The following MED14 variants were observed in gnomAD, a reference collection of about 807,000 sequenced individuals.
MED14 encodes mediator complex subunit 14.
In MED14, 8 loss-of-function variants were observed where a neutral mutation model predicts 109.0. That is an observed-to-expected ratio of 0.07 (90% confidence interval 0.04 to 0.13). The LOEUF is 0.13. MED14 is among the 10% of genes least tolerant of loss of function. MED14 has a pLI of 1.00. For synonymous variants in MED14, 399 were observed against 408.7 expected (o/e 0.98, Z 0.29); for missense variants, 711 against 1,142.4 (o/e 0.62, Z 5.44).
At chrX:40,701,904 TG>T (rs1351123646) in intron 11 of MED14, among the ~76,000 whole-genome samples, 3 of 111,421 alleles carry the variant, frequency 2.7e-5, no homozygotes, top group African/African-American at 9.8e-5. Context: ...CTCAGTGTGA[TG>T]GTATTTGGAG....
chrX:40,672,196 C>T (rs2055486047), intron 22 of MED14, among the ~76,000 whole-genome samples: 1 of 112,111 alleles, frequency 8.9e-6, no homozygotes, highest in African/African-American at 3.3e-5. Context: ...TCCTCTTTCC[C>T]GATCTTGCAA....
intron 19 of MED14, 53 bp downstream of exon 19, chrX:40,681,799 C>T: frequency 3.0e-6 from 2 of 666,204 alleles, no homozygotes; most frequent in Non-Finnish European, 2.3e-6. Flanking sequence ...TTTTTTAATT[C>T]TTGATTTTTA....
chrX:40,721,549 ACCCAAAGCCTGGG>A (rs1931717385), intron 3 of MED14, among the ~76,000 whole-genome samples: 1 of 113,079 alleles, frequency 8.8e-6, no homozygotes, highest in Non-Finnish European at 1.9e-5. Context: ...CTCTGGGCTC[ACCCAAAGCCTGGG>A]GAAACTTGCC....
rs779513245 is a variant in MED14 at position 40,714,645 on chromosome X, C to T, written c.414G>A (p.Ser138=). 15 of 1,209,600 alleles carry T rather than the reference C, an allele frequency of 1.2e-5. No homozygotes were observed. The highest frequency in any genetic ancestry group is 5.3e-5 in the African/African-American group (3 of 57,080). The change falls in exon 4 of 31, where the codon TCG becomes TCA. Residue 138 remains serine, a synonymous_variant. Transcript: ENST00000324817. ...LFVDTADRLA[S]LARDALVHAR... is the part of the protein sequence containing the mutation. ...CATGGACCAGAGCATCTCTAGCTAA[C>T]GAGGCCAGGCGATCAGCAGTGTCCA...
intron 3 of MED14, chrX:40,726,340 T>C (rs762057023): frequency 9.1e-6 from 1 of 109,750 alleles, no homozygotes; most frequent in East Asian, 2.8e-4. Flanking sequence ...ATGTAACTTC[T>C]AGGAACCTTA....
chrX:40,732,381 T>G (rs762603077), intron 1 of MED14, among the ~76,000 whole-genome samples: 4 of 111,388 alleles, frequency 3.6e-5, no homozygotes, highest in Non-Finnish European at 7.5e-5. Context: ...TAACCAGGTG[T>G]GGTGGTGCAT....
chrX:40,680,445 T>A (rs1386630343), intron 20 of MED14, among the ~76,000 whole-genome samples: 1 of 111,745 alleles, frequency 8.9e-6, no homozygotes, highest in Non-Finnish European at 1.9e-5. Context: ...TGAGACAGGG[T>A]CTCATTCCGA....
rs147012453 is a variant in MED14 at position 40,694,829 on chromosome X, C to T, written c.1651-1927G>A. ...TTAAACACACATTTACCATATGACC[C>T]AATAATCCCACTCCTAGTTACTTAT... On this transcript the variant is annotated intron_variant, in intron 13 of 30. Transcript: ENST00000324817. Among the ~76,000 whole-genome samples, 272 of 112,107 alleles carry T rather than the reference C, an allele frequency of 2.4e-3. 1 individual carries two copies. Among genetic ancestry groups the T allele is most frequent in the African/African-American group, 8.5e-3 (263 of 30,879 alleles).
In MED14 at chrX:40,702,439, C is replaced by CA. The variant is rs749772216; in HGVS notation, c.1411+1004dup. Among the ~76,000 whole-genome samples, 531 of 107,325 alleles carry CA rather than the reference C, an allele frequency of 4.9e-3. 5 individuals carry two copies. Among genetic ancestry groups the CA allele is most frequent in the African/African-American group, 0.017 (499 of 29,250 alleles). The allele number at this position is 107,325 out of a possible 115,157, so 93.2% of individuals were successfully genotyped here. A position where few individuals can be genotyped will look rare whatever the true frequency, so the allele number is the denominator to read the frequency against. ...TCGGCTCACTGCAATCTCCGCCTCC[C>CA]AGGTTCACGCCATTCTCCTGCCTCA... On this transcript the variant is annotated intron_variant, in intron 11 of 30. Transcript: ENST00000324817.
At chrX:40,654,235 C>G (rs771525756) in intron 30 of MED14, 129 bp downstream of exon 30, 12 of 544,411 alleles carry the variant, frequency 2.2e-5, no homozygotes, top group Non-Finnish European at 3.4e-5. Flanking sequence ...GCCACGGCAA[C>G]CAGACCTCTA....
rs73471367 is a variant in MED14, at chrX:40,696,999, C to A, written c.1650+25G>T. The A allele has an allele frequency of 3.8e-3, 4,441 of 1,154,394 alleles. 101 individuals carry two copies. In the African/African-American group the frequency reaches 0.07, roughly 18 times the overall value. ...AACAGAATTACTAAACTTGATCACTCCAAATCACTCCTTTGCATACTTACA... is the reference window on the plus strand; with the variant it reads ...AACAGAATTACTAAACTTGATCACTACAAATCACTCCTTTGCATACTTACA... On this transcript the variant is annotated intron_variant, in intron 13 of 30. Coordinates refer to ENST00000324817, the MANE Select transcript of MED14 (RefSeq NM_004229.4).
intron 16 of MED14, among the ~76,000 whole-genome samples, chrX:40,683,425 A>G (rs1930192650): frequency 8.9e-6 from 1 of 112,454 alleles, no homozygotes; most frequent in African/African-American, 3.2e-5. Flanking sequence ...TGACTCAGCC[A>G]CATTTAATGT....
rs143374506 is a variant in MED14, at chrX:40,714,310, C to T, written c.522+227G>A. On this transcript the variant is annotated intron_variant, in intron 4 of 30. Transcript: ENST00000324817. ...AATAGATGTTATGTCTGCACATCCG[C>T]GCATCCCTGGGGGAAAAAAAAATAA... 2.5e-3 allele frequency among the ~76,000 whole-genome samples: 274 copies of T among 111,818 alleles called. 1 individual carries two copies. The highest frequency in any genetic ancestry group is 8.6e-3 in the African/African-American group (266 of 30,802).
At chrX:40,726,529 A>G in intron 3 of MED14, 1 of 316,540 alleles carries the variant, frequency 3.2e-6, no homozygotes, top group Admixed American at 5.5e-5. Flanking sequence ...AAGTCTCCTC[A>G]CGTAATGATG....
At chrX:40,733,472 A>G (rs1011400235) in intron 1 of MED14, among the ~76,000 whole-genome samples, 3 of 112,104 alleles carry the variant, frequency 2.7e-5, no homozygotes, top group African/African-American at 9.8e-5. Context: ...AAATTTTAAA[A>G]GAATCATCCT....
At chrX:40,675,411 G>GTAAAATATTCTAAATAATT in intron 21 of MED14, 50 bp from the exon 22 acceptor site, 1 of 925,580 alleles carries the variant, frequency 1.1e-6, no homozygotes, top group Non-Finnish European at 1.4e-6. Context: ...AACATTATTA[G>GTAAAATATTCTAAATAATT]TAAAATATTT....
rs751160092 is a variant in MED14 at position 40,659,553 on chromosome X, G to C, written c.3739C>G (p.Leu1247Val). The C allele has an allele frequency of 3.3e-6, 4 of 1,209,301 alleles. No homozygotes were observed. In the South Asian group the frequency reaches 7.1e-5, roughly 21 times the overall value. ...PGVIMFKTDA[L>V]KCRVALSPKT... is the part of the protein sequence containing the mutation. ...GGACTAAGAGCTACTCTGCATTTCA[G>C]TGCATCAGTCTTAAACATGATCACT... The change falls in exon 27 of 31, where the codon CTG (leucine) becomes GTG (valine). Residue 1247 changes from leucine to valine, a missense_variant. By Grantham distance (32) the Leu-to-Val change is conservative. Coordinates refer to ENST00000324817, the MANE Select transcript of MED14 (RefSeq NM_004229.4).
chrX:40,708,782 C>T (rs758102392), intron 10 of MED14, among the ~76,000 whole-genome samples: 6 of 111,515 alleles, frequency 5.4e-5, no homozygotes, highest in African/African-American at 2.0e-4. Flanking sequence ...ATCTGCATTC[C>T]TTATTTGAAC....
chrX:40,722,953 T>C (rs966135175), intron 3 of MED14, among the ~76,000 whole-genome samples: 8 of 112,184 alleles, frequency 7.1e-5, no homozygotes, highest in African/African-American at 2.6e-4. Flanking sequence ...ATCAGACCTG[T>C]CCTACAAGAA....
Sources: gnomAD v4.1 joint callset for allele counts (sites outside exome capture counted in the v4.1 genomes callset) on GRCh38, gnomAD v4.1.1 for gene constraint, MANE v1.5 for transcripts, NCBI Gene and HGNC (gene_info 2026-07-23, HGNC 2026-07-21) for gene names.